The following SARNP variants were observed in gnomAD, a reference collection of about 807,000 sequenced individuals.
SARNP encodes the protein SAP domain containing ribonucleoprotein, also known as SAP domain-containing ribonucleoprotein.
A neutral mutation model predicts 38.1 loss-of-function variants in SARNP; 5 were observed. That is an observed-to-expected ratio of 0.13 (90% CI 0.07 to 0.28). The LOEUF (loss-of-function observed/expected upper bound fraction) is 0.28. SARNP is among the 10% of genes least tolerant of loss of function. The probability of loss-of-function intolerance (pLI) is 1.00; values close to 1 mark genes in which losing one functional copy is unlikely to be tolerated. For synonymous variants in SARNP, 84 were observed against 80.6 expected (o/e 1.04, Z -0.23); for missense variants, 180 against 243.9 (o/e 0.74, Z 1.75).
chr12:55,756,788 A>C (rs557023039), downstream of SARNP: 1 of 152,354 alleles, frequency 6.6e-6, no homozygotes, highest in South Asian at 2.1e-4. Flanking sequence ...TCTGTCTCTG[A>C]GGGATATCCA....
chr12:55,808,604 T>C (rs1880228284), intron 1 of SARNP, among the ~76,000 whole-genome samples: 3 of 152,076 alleles, frequency 2.0e-5, no homozygotes, highest in Admixed American at 2.0e-4. Flanking sequence ...GCCAAATTTT[T>C]TTTTTAATTA....
At chr12:55,772,990 C>A (rs897451355) in intron 9 of SARNP, among the ~76,000 whole-genome samples, 1 of 152,198 alleles carries the variant, frequency 6.6e-6, no homozygotes, top group South Asian at 2.1e-4. Context: ...GCTGGGATTA[C>A]AGGCGTGAGC....
chr12:55,778,714 G>T (rs1879256830), intron 9 of SARNP, among the ~76,000 whole-genome samples: 1 of 152,212 alleles, frequency 6.6e-6, no homozygotes, highest in African/African-American at 2.4e-5. Flanking sequence ...GCTCACGCCT[G>T]TAATCCCAGC....
chr12:55,783,256 A>C (rs1879391821), intron 9 of SARNP, among the ~76,000 whole-genome samples: 1 of 151,646 alleles, frequency 6.6e-6, no homozygotes, highest in Non-Finnish European at 1.5e-5. Flanking sequence ...CTAGCTGGCA[A>C]TCAATCAGAG....
At chr12:55,779,251 TGAA>T (rs1879273165) in intron 9 of SARNP, among the ~76,000 whole-genome samples, 1 of 152,134 alleles carries the variant, frequency 6.6e-6, no homozygotes, top group Non-Finnish European at 1.5e-5. Context: ...TAACCTAGGA[TGAA>T]GGAGGGGGGA....
At chr12:55,815,793 T>C (rs569265023) in intron 1 of SARNP, 17 of 152,374 alleles carry the variant, frequency 1.1e-4, no homozygotes, top group African/African-American at 4.1e-4. Context: ...CAGAGGTCCA[T>C]GGACTCCTCG....
chr12:55,779,511 C>CACTTCT (rs1305517287), intron 9 of SARNP, among the ~76,000 whole-genome samples: 2 of 152,174 alleles, frequency 1.3e-5, no homozygotes, highest in Non-Finnish European at 2.9e-5. Flanking sequence ...ATTCTTCTAC[C>CACTTCT]ACTACTTCCT....
chr12:55,781,102 A>C (rs1222529002), intron 9 of SARNP, among the ~76,000 whole-genome samples: 1 of 152,232 alleles, frequency 6.6e-6, no homozygotes, highest in African/African-American at 2.4e-5. Context: ...GGAGAATAGA[A>C]GACAGAATAC....
intron 1 of SARNP, among the ~76,000 whole-genome samples, chr12:55,808,275 G>A (rs12318677): frequency 0.041 from 6,185 of 151,968 alleles, 423 homozygotes; most frequent in African/African-American, 0.14. Flanking sequence ...TTTGAGCCCC[G>A]GAGTTCAAGA....
chr12:55,774,799 C>T (rs752031576), intron 9 of SARNP, among the ~76,000 whole-genome samples: 16 of 151,474 alleles, frequency 1.1e-4, no homozygotes, highest in South Asian at 4.1e-4. Flanking sequence ...TTCTCAGTTA[C>T]GCATCTCCCC....
intron 2 of SARNP, among the ~76,000 whole-genome samples, chr12:55,802,494 T>C (rs1880008518): frequency 6.6e-6 from 1 of 151,938 alleles, no homozygotes; most frequent in Non-Finnish European, 1.5e-5. Context: ...CCTCATGCAA[T>C]GGGTCACAGT....
chr12:55,802,628 T>C (rs1880013472), intron 2 of SARNP, among the ~76,000 whole-genome samples: 1 of 151,864 alleles, frequency 6.6e-6, no homozygotes, highest in Admixed American at 6.6e-5. Flanking sequence ...TATCTCATTA[T>C]ATATATACAC....
chr12:55,790,690 T>A (rs1879640086), intron 7 of SARNP, 98 bp from the exon 8 acceptor site: 1 of 1,189,224 alleles, frequency 8.4e-7, no homozygotes, highest in Non-Finnish European at 1.1e-6. Flanking sequence ...TCCTTTATCC[T>A]ATGATGACAA....
chr12:55,791,000 A>G (rs1879651067), intron 7 of SARNP, among the ~76,000 whole-genome samples: 1 of 152,280 alleles, frequency 6.6e-6, no homozygotes, highest in Admixed American at 6.5e-5. Context: ...ATACAATGGA[A>G]TATTATTAAA....
intron 1 of SARNP, among the ~76,000 whole-genome samples, chr12:55,804,853 A>C (rs974611659): frequency 6.6e-6 from 1 of 152,202 alleles, no homozygotes; most frequent in Non-Finnish European, 1.5e-5. Context: ...CAATCAGTAG[A>C]AGCTAGAAGG....
At chr12:55,817,427 C>T (rs1040020414) in intron 1 of SARNP, among the ~76,000 whole-genome samples, 2 of 152,000 alleles carry the variant, frequency 1.3e-5, no homozygotes, top group African/African-American at 2.4e-5. Flanking sequence ...GGAAGGGTGA[C>T]GGACGATACA....
At chr12:55,794,517 A>G in intron 6 of SARNP, 130 bp from the exon 7 acceptor site, 1 of 834,640 alleles carries the variant, frequency 1.2e-6, no homozygotes, top group Non-Finnish European at 2.0e-6. Flanking sequence ...GCTAATTCTA[A>G]CAACCCCATG....
chr12:55,816,268 A>G (rs978401045), intron 1 of SARNP, among the ~76,000 whole-genome samples: 2 of 152,226 alleles, frequency 1.3e-5, no homozygotes, highest in Non-Finnish European at 2.9e-5. Context: ...TCATTCAAAA[A>G]TTCCTTTTCT....
At position 55,760,535 on chromosome 12, in the gene SARNP, C is replaced by G. The variant is rs779411451; in HGVS notation, c.591+16G>C. ...TTCCCTTCAAGGTCTATGAAGCGTT[C>G]CAGGTATATTTTTACCTCTGTATCC... On this transcript the variant is annotated intron_variant, in intron 10 of 10. Transcript: ENST00000336133. 1.2e-5 allele frequency: 17 copies of G among 1,471,820 alleles called. No individual in the cohort carries two copies. The East Asian group carries it at 3.8e-4, about 33-fold the overall frequency. The allele number at this position is 1,471,820 out of a possible 1,614,324, so 91.2% of individuals were successfully genotyped here.
Sources: allele counts gnomAD v4.1 joint callset (sites outside exome capture counted in the v4.1 genomes callset), GRCh38; gene constraint gnomAD v4.1.1; transcripts MANE v1.5; gene names NCBI Gene and HGNC (gene_info 2026-07-23, HGNC 2026-07-21).